Variants in YAF2 observed in about 807,000 individuals in gnomAD.
The protein encoded by YAF2 is YY1-associated factor 2.
In YAF2, 7 loss-of-function variants were observed where a neutral mutation model predicts 20.1. The observed-to-expected ratio is 0.35, with a 90% CI of 0.20 to 0.65. The LOEUF (loss-of-function observed/expected upper bound fraction) is 0.65. Among genes scored for constraint, YAF2 ranks in the 30% least tolerant of loss-of-function variants. YAF2 has a pLI of 0.69. For missense variants in YAF2, 151 were observed against 219.2 expected, an observed-to-expected ratio of 0.69 and a Z score of 1.96; for synonymous variants, 74 against 76.0, an observed-to-expected ratio of 0.97 and a Z score of 0.14.
chr12:42,167,593 C>T (rs745948969), intron 2 of YAF2, among the ~76,000 whole-genome samples: 2 of 152,194 alleles, frequency 1.3e-5, no homozygotes, highest in Non-Finnish European at 2.9e-5. Context: ...TAAAACAATA[C>T]ACATATCCTG....
chr12:42,235,859 C>T (rs1565668251), intron 2 of YAF2: 1 of 1,536,112 alleles, frequency 6.5e-7, no homozygotes, highest in South Asian at 1.2e-5. Context: ...GTACTATATT[C>T]CTTCTTCTTC....
intron 2 of YAF2, among the ~76,000 whole-genome samples, chr12:42,207,020 C>T (rs957983586): frequency 1.9e-4 from 29 of 152,148 alleles, no homozygotes; most frequent in Admixed American, 1.3e-4. Context: ...CAAATATCCA[C>T]ACACTTTTTT....
chr12:42,158,255 G>C lies in YAF2; in HGVS notation c.*2334C>G, dbSNP rs1172735112. On this transcript the variant is annotated 3_prime_UTR_variant, in exon 4 of 4. Coordinates refer to ENST00000534854, the MANE Select transcript of YAF2 (RefSeq NM_005748.6). ...CAATCTCATAGTGCACACCCACCAG[G>C]TTCTTTAATTATGGAAAGATGGTCT... 6.6e-6 allele frequency: 1 copy of C among 152,158 alleles called. No homozygotes were observed. The highest frequency in any genetic ancestry group is 1.5e-5 in the Non-Finnish European group (1 of 68,018). 9.4% of individuals were successfully genotyped at this position (152,158 alleles called of 1,614,324 possible).
chr12:42,190,942 C>G (rs2066597120), intron 2 of YAF2, among the ~76,000 whole-genome samples: 1 of 151,516 alleles, frequency 6.6e-6, no homozygotes, highest in African/African-American at 2.4e-5. Flanking sequence ...ACAATGTAAC[C>G]TACTTAACAA....
At chr12:42,212,902 G>C (rs1227443820) in intron 2 of YAF2, among the ~76,000 whole-genome samples, 2 of 152,112 alleles carry the variant, frequency 1.3e-5, no homozygotes, top group Admixed American at 6.6e-5. Context: ...ATCAGAAAAG[G>C]GTCATCTAGG....
chr12:42,226,471 G>C (rs962129088), intron 2 of YAF2, among the ~76,000 whole-genome samples: 18 of 152,058 alleles, frequency 1.2e-4, no homozygotes, highest in African/African-American at 4.1e-4. Flanking sequence ...AGACCAGACT[G>C]GGCAACATAG....
intron 2 of YAF2, among the ~76,000 whole-genome samples, chr12:42,196,240 A>G (rs1264525786): frequency 2.0e-5 from 3 of 151,112 alleles, no homozygotes; most frequent in African/African-American, 7.3e-5. Context: ...AAAAAAAAAA[A>G]AAAAAAAAAA....
At chr12:42,189,082 G>C (rs11181372) in intron 2 of YAF2, among the ~76,000 whole-genome samples, 1,525 of 152,306 alleles carry the variant, frequency 0.01, 31 homozygotes, top group African/African-American at 0.035. Flanking sequence ...CTTAGAGTGT[G>C]TGTAGAATTT....
At chr12:42,179,102 C>T (rs961394489) in intron 2 of YAF2, among the ~76,000 whole-genome samples, 1 of 152,156 alleles carries the variant, frequency 6.6e-6, no homozygotes, top group Non-Finnish European at 1.5e-5. Context: ...CCTTTAAGAA[C>T]TTGATTTACT....
rs557015377 is a variant in YAF2 at position 42,159,037 on chromosome 12, G to C, written c.*1552C>G. The C allele has an allele frequency of 6.6e-6, 1 of 152,128 alleles. No individual in the cohort carries two copies. Among genetic ancestry groups the C allele is most frequent in the South Asian group, 2.1e-4 (1 of 4,818 alleles). The allele number at this position is 152,128 out of a possible 1,614,324, so 9.4% of individuals were successfully genotyped here. On this transcript the variant is annotated 3_prime_UTR_variant, in exon 4 of 4. Coordinates refer to ENST00000534854, the MANE Select transcript of YAF2 (RefSeq NM_005748.6). ...TTCATTTAACAACACTAAAGAATGA[G>C]GTATATAAATGTTTTAATCACAGAC...
chr12:42,231,518 C>T (rs2067984733), intron 2 of YAF2: 2 of 152,144 alleles, frequency 1.3e-5, no homozygotes, highest in South Asian at 4.1e-4. Flanking sequence ...AGTTGTTTCT[C>T]AAAGGTTAGT....
intron 2 of YAF2, among the ~76,000 whole-genome samples, chr12:42,211,351 T>C (rs1201753240): frequency 7.3e-6 from 1 of 137,160 alleles, no homozygotes; most frequent in Admixed American, 8.6e-5. Flanking sequence ...TGCTTGAACC[T>C]GGGAAGCAGA....
chr12:42,237,634 G>A lies in YAF2; in HGVS notation c.117C>T (p.Cys39=), dbSNP rs1235171318. ...TFRNSAEAFK[C]MMCDVRKGTS... ...TGCCCTTCCGCACATCGCACATCAT[G>A]CACTTGAAGGCCTCGGCGCTGTTCC... is the stretch of plus-strand genomic sequence containing the variant. The change falls in exon 2 of 4, where the codon TGC becomes TGT. Residue 39 remains cysteine, a synonymous_variant. Coordinates refer to ENST00000534854, the MANE Select transcript of YAF2 (RefSeq NM_005748.6). 5.7e-6 allele frequency: 9 copies of A among 1,565,362 alleles called. No individual in the cohort carries two copies. In the African/African-American group the frequency reaches 6.9e-5, roughly 12 times the overall value.
intron 2 of YAF2, among the ~76,000 whole-genome samples, chr12:42,209,445 TC>T (rs977777676): frequency 3.3e-5 from 5 of 151,306 alleles, no homozygotes; most frequent in African/African-American, 1.2e-4. Flanking sequence ...GCAACTGTAG[TC>T]CCAGCTACTC....
chr12:42,232,771 TAAGC>T lies in YAF2; in HGVS notation c.152+4824_152+4827del, dbSNP rs10547916. On this transcript the variant is annotated intron_variant, in intron 2 of 3. Coordinates refer to ENST00000534854, the MANE Select transcript of YAF2 (RefSeq NM_005748.6). ...GATTTCTACCAGATGATAGTTGGTT[TAAGC>T]TTCTTTCAGAATGTGGATTTTATAG... 3,137 of 985,414 alleles carry T rather than the reference TAAGC, an allele frequency of 3.2e-3. 78 individuals carry two copies. In the African/African-American group the frequency reaches 0.051, roughly 16 times the overall value. The allele number at this position is 985,414 out of a possible 1,614,324, so 61.0% of individuals were successfully genotyped here.
chr12:42,238,099 T>C, intron 1 of YAF2, 56 bp downstream of exon 1: 5 of 1,392,950 alleles, frequency 3.6e-6, no homozygotes, highest in Non-Finnish European at 4.7e-6. Context: ...CCCGAAGCCC[T>C]GCACGAGGGC....
chr12:42,208,416 ACT>A lies in YAF2; in HGVS notation c.152+29181_152+29182del, dbSNP rs148898214. Among the ~76,000 whole-genome samples, 1,511 of 152,140 alleles carry A rather than the reference ACT, an allele frequency of 9.9e-3. 29 individuals carry two copies. Among genetic ancestry groups the A allele is most frequent in the African/African-American group, 0.035 (1,444 of 41,528 alleles). Reference sequence around the variant, plus strand: ...ACTCTAGCCTGGGCGATCGAGTGAGACTCTGTCTCACTTTATTTTAAAAAATA... The same window carrying A: ...ACTCTAGCCTGGGCGATCGAGTGAGACTGTCTCACTTTATTTTAAAAAATA... On this transcript the variant is annotated intron_variant, in intron 2 of 3. Transcript: ENST00000534854.
At chr12:42,171,165 C>G (rs192704466) in intron 2 of YAF2, among the ~76,000 whole-genome samples, 3 of 151,756 alleles carry the variant, frequency 2.0e-5, no homozygotes, top group Non-Finnish European at 4.4e-5. Context: ...GCTAATTTTG[C>G]ATTTTTAGTA....
chr12:42,233,440 A>T (rs544699374), intron 2 of YAF2: 1 of 980,074 alleles, frequency 1.0e-6, no homozygotes. Flanking sequence ...GTCTTAAATT[A>T]ATCATCACAC....
Sources: gnomAD v4.1 joint callset for allele counts (sites outside exome capture counted in the v4.1 genomes callset) on GRCh38, gnomAD v4.1.1 for gene constraint, MANE v1.5 for transcripts, NCBI Gene and HGNC (gene_info 2026-07-23, HGNC 2026-07-21) for gene names.